Variants in C8orf34 observed in about 807,000 individuals in gnomAD.
The protein encoded by C8orf34 is uncharacterized protein C8orf34.
C8orf34 carries 65 observed loss-of-function variants against 68.3 expected under a neutral mutation model. The observed-to-expected ratio is 0.95, with a 90% confidence interval of 0.78 to 1.17. The LOEUF (loss-of-function observed/expected upper bound fraction) is 1.17. Ranked by LOEUF, C8orf34 falls within the 50% of genes most tolerant of loss-of-function variation. The pLI is 0.00. For synonymous variants in C8orf34, 244 were observed against 241.2 expected (o/e 1.01, Z -0.11); for missense variants, 664 against 655.4 (o/e 1.01, Z -0.14).
intron 10 of C8orf34, among the ~76,000 whole-genome samples, chr8:68,740,440 CT>C (rs1336512706): frequency 6.6e-6 from 1 of 151,990 alleles, no homozygotes; most frequent in Non-Finnish European, 1.5e-5. Context: ...TGAACAGACA[CT>C]TTTCAAAAGA....
At chr8:68,576,178 ACAT>A (rs1046648485) in intron 7 of C8orf34, among the ~76,000 whole-genome samples, 31 of 151,584 alleles carry the variant, frequency 2.0e-4, no homozygotes, top group South Asian at 8.3e-4. Context: ...CCACACAAAC[ACAT>A]CATCATCATC....
At chr8:68,408,650 C>T (rs1308979022) in intron 1 of C8orf34, among the ~76,000 whole-genome samples, 1 of 152,162 alleles carries the variant, frequency 6.6e-6, no homozygotes, top group Non-Finnish European at 1.5e-5. Context: ...TGATGAACTG[C>T]ACATATGACA....
At chr8:68,794,506 T>TATATATATATATACATACA (rs58048066) in intron 12 of C8orf34, among the ~76,000 whole-genome samples, 1 of 59,042 alleles carries the variant, frequency 1.7e-5, no homozygotes, top group Non-Finnish European at 3.0e-5. Context: ...TATATATATA[T>TATATATATATATACATACA]TTTTTTTTTT....
rs142211770 is a variant in C8orf34, at chr8:68,662,054, A to G, written c.1241+21543A>G. Among the ~76,000 whole-genome samples the G allele has an allele frequency of 6.6e-5, 10 of 152,272 alleles. No homozygotes were observed. The East Asian group carries it at 1.9e-3, about 30-fold the overall frequency. ...GGAGTCCCGCAAAATATGAAACTCAAAGAAGAGCCAGACGATTGAAGTTTT... is the reference window on the plus strand; with the variant it reads ...GGAGTCCCGCAAAATATGAAACTCAGAGAAGAGCCAGACGATTGAAGTTTT... On this transcript the variant is annotated intron_variant, in intron 8 of 13. Transcript: ENST00000518698.
intron 10 of C8orf34, among the ~76,000 whole-genome samples, chr8:68,727,369 C>T (rs1174399088): frequency 6.6e-6 from 1 of 152,208 alleles, no homozygotes; most frequent in African/African-American, 2.4e-5. Flanking sequence ...AGGGCACACC[C>T]TCTCTCCTGG....
chr8:68,721,428 A>G lies in C8orf34; in HGVS notation c.1395A>G (p.Leu465=). 1 of 1,599,308 alleles carries G rather than the reference A, an allele frequency of 6.3e-7. No homozygotes were observed. Among genetic ancestry groups the G allele is most frequent in the Non-Finnish European group, 8.6e-7 (1 of 1,167,826 alleles). ...EGDEFEKASK[L]TGPGEASSGV... The stretch of plus-strand genomic sequence containing the variant: ...ACGAATTTGAGAAAGCATCTAAACT[A>G]ACAGGACCTGTAAGTATATTCATTG... Residue 465 remains leucine, a synonymous_variant, in exon 10 of 14, where the codon CTA becomes CTG. Transcript: ENST00000518698.
At chr8:68,487,960 G>C in intron 4 of C8orf34, 63 bp from the exon 5 acceptor site, 1 of 1,105,530 alleles carries the variant, frequency 9.0e-7, no homozygotes, top group Non-Finnish European at 1.3e-6. Flanking sequence ...AGTTTGTTTT[G>C]AACATTAGGT....
intron 8 of C8orf34, among the ~76,000 whole-genome samples, chr8:68,669,105 G>A (rs569525396): frequency 6.6e-6 from 1 of 152,136 alleles, no homozygotes; most frequent in African/African-American, 2.4e-5. Context: ...TGTTATATAG[G>A]AATAAAAAAC....
intron 2 of C8orf34, among the ~76,000 whole-genome samples, chr8:68,445,781 A>T (rs541672997): frequency 6.6e-6 from 1 of 152,230 alleles, no homozygotes. Flanking sequence ...CGCCTGAAAA[A>T]CATTTCAAAT....
intron 4 of C8orf34, among the ~76,000 whole-genome samples, chr8:68,487,641 G>T (rs1010686211): frequency 2.0e-5 from 3 of 152,070 alleles, no homozygotes; most frequent in Admixed American, 6.6e-5. Flanking sequence ...TAATTATTCT[G>T]GGAATCTAAA....
chr8:68,770,438 G>A (rs1338010892), intron 10 of C8orf34, among the ~76,000 whole-genome samples: 13 of 152,182 alleles, frequency 8.5e-5, no homozygotes, highest in Non-Finnish European at 1.8e-4. Context: ...CTAGTTCAAT[G>A]GTAAATGGAT....
At chr8:68,373,299 A>G (rs1807642287) in intron 1 of C8orf34, among the ~76,000 whole-genome samples, 1 of 152,138 alleles carries the variant, frequency 6.6e-6, no homozygotes, top group African/African-American at 2.4e-5. Flanking sequence ...CTGGCCAGAA[A>G]TGGTAATTTC....
At chr8:68,619,613 A>G (rs1259294523) in intron 7 of C8orf34, among the ~76,000 whole-genome samples, 1 of 152,220 alleles carries the variant, frequency 6.6e-6, no homozygotes, top group African/African-American at 2.4e-5. Context: ...ACCATCTAAA[A>G]TAAGGAGGTT....
At position 68,589,350 on chromosome 8, in the gene C8orf34, G is replaced by A. The variant is rs539946674; in HGVS notation, c.1106-51026G>A. On this transcript the variant is annotated intron_variant, in intron 7 of 13. Coordinates refer to ENST00000518698, the MANE Select transcript of C8orf34 (RefSeq NM_052958.4). ...AAGGATACTAAGATTAATATAGTAAGAATACAGAGAAAGAAAGAACGGGAG... is the reference window on the plus strand; with the variant it reads ...AAGGATACTAAGATTAATATAGTAAAAATACAGAGAAAGAAAGAACGGGAG... Among the ~76,000 whole-genome samples the A allele has an allele frequency of 6.6e-5, 10 of 151,188 alleles. No homozygotes were observed. The South Asian group carries it at 1.9e-3, about 28-fold the overall frequency.
At chr8:68,554,748 C>T (rs535005926) in intron 7 of C8orf34, among the ~76,000 whole-genome samples, 54 of 152,076 alleles carry the variant, frequency 3.6e-4, no homozygotes, top group Non-Finnish European at 5.9e-4. Context: ...CATTTAATGA[C>T]TTGGACAAAG....
intron 12 of C8orf34, among the ~76,000 whole-genome samples, chr8:68,803,532 A>T (rs935708857): frequency 6.6e-6 from 1 of 152,140 alleles, no homozygotes; most frequent in African/African-American, 2.4e-5. Flanking sequence ...ATCCTACAGC[A>T]AACATCATAC....
chr8:68,437,314 A>C (rs75209415), intron 1 of C8orf34, among the ~76,000 whole-genome samples: 2,687 of 152,224 alleles, frequency 0.018, 100 homozygotes, highest in African/African-American at 0.06. Context: ...AGGTAAATTC[A>C]AAAACAAAAC....
At chr8:68,386,270 G>T (rs550829577) in intron 1 of C8orf34, among the ~76,000 whole-genome samples, 1 of 152,244 alleles carries the variant, frequency 6.6e-6, no homozygotes, top group Non-Finnish European at 1.5e-5. Flanking sequence ...TGAATAATAT[G>T]AAGCTTTATA....
chr8:68,375,520 G>A (rs186992012), intron 1 of C8orf34, among the ~76,000 whole-genome samples: 32 of 152,246 alleles, frequency 2.1e-4, no homozygotes, highest in African/African-American at 7.0e-4. Context: ...CATATAGAAT[G>A]TTCAAGTATT....
Sources: gnomAD v4.1 joint callset for allele counts (sites outside exome capture counted in the v4.1 genomes callset) on GRCh38, gnomAD v4.1.1 for gene constraint, MANE v1.5 for transcripts, NCBI Gene and HGNC (gene_info 2026-07-23, HGNC 2026-07-21) for gene names.